Variants in GUCY2F observed in about 807,000 individuals in gnomAD.
GUCY2F encodes the protein guanylate cyclase 2F, retinal.
In GUCY2F, 61 loss-of-function variants were observed where a neutral mutation model predicts 73.1. That is an observed-to-expected ratio of 0.83 (90% CI 0.68 to 1.03). The LOEUF (loss-of-function observed/expected upper bound fraction) is 1.03. GUCY2F is among the 50% of genes least tolerant of loss of function. GUCY2F has a pLI of 0.00. For missense variants in GUCY2F, 912 were observed against 854.3 expected, an observed-to-expected ratio of 1.07 and a Z score of -0.84; for synonymous variants, 331 against 307.8, an observed-to-expected ratio of 1.08 and a Z score of -0.79.
At chrX:109,448,540 G>C (rs369139547) in intron 5 of GUCY2F, among the ~76,000 whole-genome samples, 16 of 112,125 alleles carry the variant, frequency 1.4e-4, no homozygotes, top group African/African-American at 4.9e-4. Flanking sequence ...ATATGCCATA[G>C]TATTTATCCT....
At chrX:109,379,435 T>A (rs753901412) in intron 17 of GUCY2F, among the ~76,000 whole-genome samples, 28 of 112,745 alleles carry the variant, frequency 2.5e-4, no homozygotes, top group African/African-American at 8.7e-4. Flanking sequence ...ACTAGTTTGA[T>A]TGAATTATTC....
At chrX:109,425,150 A>T (rs190876138) in intron 8 of GUCY2F, among the ~76,000 whole-genome samples, 9 of 111,805 alleles carry the variant, frequency 8.0e-5, no homozygotes, top group South Asian at 7.4e-4. Flanking sequence ...TTCTTAAAGA[A>T]CTAAGAGTAG....
rs758593336 is a variant in GUCY2F, at chrX:109,453,559, G to T, written c.1333C>A (p.Pro445Thr). The change falls in exon 4 of 20, where the codon CCC becomes ACC. Residue 445 changes from proline (P) to threonine (T), a missense_variant. Pro to Thr is a conservative substitution (Grantham distance 38, BLOSUM62 -1). Transcript: ENST00000218006. ...GTPIHFPGGR[P>T]PRADAKCWFA... ...CAGCATTTTGCATCTGCTCTAGGGG[G>T]CCTGCCACCAGGGAAGTGAATAGGG... is the stretch of plus-strand genomic sequence containing the variant. 1.7e-6 allele frequency: 2 copies of T among 1,209,639 alleles called. No homozygotes were observed. Among genetic ancestry groups the T allele is most frequent in the South Asian group, 3.5e-5 (2 of 56,863 alleles).
At chrX:109,427,243 T>C (rs1345481272) in intron 8 of GUCY2F, among the ~76,000 whole-genome samples, 1 of 112,026 alleles carries the variant, frequency 8.9e-6, no homozygotes, top group Non-Finnish European at 1.9e-5. Context: ...CAACTGCAGT[T>C]TCCTTCTCTT....
At chrX:109,443,302 C>A (rs914925512) in intron 6 of GUCY2F, among the ~76,000 whole-genome samples, 1 of 111,260 alleles carries the variant, frequency 9.0e-6, no homozygotes, top group Non-Finnish European at 1.9e-5. Flanking sequence ...TGAAATAAAA[C>A]AATTTATTTT....
chrX:109,468,670 A>T (rs1932516658), intron 2 of GUCY2F, among the ~76,000 whole-genome samples: 1 of 111,731 alleles, frequency 9.0e-6, no homozygotes, highest in Non-Finnish European at 1.9e-5. Flanking sequence ...TTATAACTGA[A>T]AAGACCCTTT....
chrX:109,378,639 A>C (rs1471853523), intron 17 of GUCY2F, among the ~76,000 whole-genome samples: 1 of 111,439 alleles, frequency 9.0e-6, no homozygotes, highest in East Asian at 2.8e-4. Context: ...TCATACACAC[A>C]CTGCTTGTGT....
At chrX:109,458,779 G>A (rs1232297909) in intron 3 of GUCY2F, among the ~76,000 whole-genome samples, 3 of 111,240 alleles carry the variant, frequency 2.7e-5, no homozygotes, top group African/African-American at 9.8e-5. Flanking sequence ...GTTATCAGGT[G>A]CCAGGCAAAC....
rs1239325438 is a variant in GUCY2F at position 109,475,260 on chromosome X, C to T, written c.677G>A (p.Ser226Asn). The T allele has an allele frequency of 8.3e-7, 1 of 1,207,912 alleles. No individual in the cohort carries two copies. Among genetic ancestry groups the T allele is most frequent in the Non-Finnish European group, 1.1e-6 (1 of 893,569 alleles). ...VGVVLTTGQD[S>N]QSMRKALQRI... Reference sequence around the variant, plus strand: ...CTGGAGGGCTTTCCGCATGCTTTGGCTGTCTTGTCCTGTGGTCAGGACGAC... The same window carrying T: ...CTGGAGGGCTTTCCGCATGCTTTGGTTGTCTTGTCCTGTGGTCAGGACGAC... The change falls in exon 2 of 20, where the codon AGC (serine) becomes AAC (asparagine). Residue 226 changes from serine (S) to asparagine (N), a missense_variant. Ser to Asn is a conservative substitution (Grantham distance 46). Transcript: ENST00000218006.
rs1360698566 is a variant in GUCY2F, at chrX:109,395,329, C to A, written c.2424+12G>T. On this transcript the variant is annotated intron_variant, in intron 12 of 19. Coordinates refer to ENST00000218006, the MANE Select transcript of GUCY2F (RefSeq NM_001522.3). Reference sequence around the variant, plus strand: ...AAGGCTCCTGGGCAATGATAAGATTCAGAGTCCTTACCTGGTTAAATATTT... The same window carrying A: ...AAGGCTCCTGGGCAATGATAAGATTAAGAGTCCTTACCTGGTTAAATATTT... 5 of 1,197,280 alleles carry A rather than the reference C, an allele frequency of 4.2e-6. No homozygotes were observed. The African/African-American group carries it at 8.8e-5, about 21-fold the overall frequency.
intron 7 of GUCY2F, among the ~76,000 whole-genome samples, chrX:109,438,434 AATC>A (rs746167678): frequency 1.2e-4 from 13 of 112,887 alleles, no homozygotes; most frequent in Non-Finnish European, 1.7e-4. Flanking sequence ...AAATCAAACA[AATC>A]ATGTTCTTCC....
At chrX:109,451,730 A>AG (rs767208329) in intron 5 of GUCY2F, among the ~76,000 whole-genome samples, 4 of 111,664 alleles carry the variant, frequency 3.6e-5, no homozygotes, top group Non-Finnish European at 5.7e-5. Context: ...GAACAACGAT[A>AG]GGGAGTAGAC....
At chrX:109,424,860 G>C (rs767085343) in intron 8 of GUCY2F, among the ~76,000 whole-genome samples, 2 of 109,538 alleles carry the variant, frequency 1.8e-5, no homozygotes, top group Non-Finnish European at 3.8e-5. Context: ...TCTGTCACCC[G>C]GGTTCAAGCA....
chrX:109,402,520 G>A (rs189797693), intron 10 of GUCY2F, among the ~76,000 whole-genome samples: 5 of 110,145 alleles, frequency 4.5e-5, no homozygotes, highest in East Asian at 5.7e-4. Context: ...TTATAGAAGC[G>A]CGCCACCACG....
At chrX:109,376,791 C>G (rs1485983241) in intron 17 of GUCY2F, among the ~76,000 whole-genome samples, 3 of 111,636 alleles carry the variant, frequency 2.7e-5, no homozygotes, top group African/African-American at 9.8e-5. Context: ...CACCCCAGGG[C>G]CTGAGTGATG....
intron 2 of GUCY2F, among the ~76,000 whole-genome samples, chrX:109,471,253 G>A (rs947576545): frequency 1.3e-4 from 15 of 111,652 alleles, no homozygotes; most frequent in African/African-American, 2.9e-4. Flanking sequence ...CCAACATCCC[G>A]GTAAGCCCAG....
At chrX:109,437,428 G>A (rs1931776744) in intron 7 of GUCY2F, among the ~76,000 whole-genome samples, 1 of 112,608 alleles carries the variant, frequency 8.9e-6, no homozygotes, top group Non-Finnish European at 1.9e-5. Context: ...TTAAAGGCCA[G>A]TTACATACAG....
In GUCY2F at chrX:109,430,351, C is replaced by G; in HGVS notation, c.1747G>C (p.Asp583His). The change falls in exon 8 of 20, where the codon GAC becomes CAC. Residue 583 changes from aspartate (D) to histidine (H), a missense_variant. Coordinates refer to ENST00000218006, the MANE Select transcript of GUCY2F (RefSeq NM_001522.3). ...GCTCTTGATTTGATGGACTTAAGGT[C>G]TCCAAAATCTCCAAGGGAGAACTTT... ...LKKFSLGDFG[D>H]LKSIKSRASD... The G allele has an allele frequency of 8.8e-7, 1 of 1,140,550 alleles. No individual in the cohort carries two copies. The highest frequency in any genetic ancestry group is 1.2e-6 in the Non-Finnish European group (1 of 830,629). The allele number at this position is 1,140,550 out of a possible 1,213,427, so 94.0% of individuals were successfully genotyped here.
At chrX:109,477,032 A>C (rs1265509182) in intron 1 of GUCY2F, among the ~76,000 whole-genome samples, 2 of 110,639 alleles carry the variant, frequency 1.8e-5, no homozygotes, top group Non-Finnish European at 3.8e-5. Flanking sequence ...ATTTTAAAGG[A>C]TCTCTCTAGC....
Sources: gnomAD v4.1 joint callset for allele counts (sites outside exome capture counted in the v4.1 genomes callset) on GRCh38, gnomAD v4.1.1 for gene constraint, MANE v1.5 for transcripts, NCBI Gene and HGNC (gene_info 2026-07-23, HGNC 2026-07-21) for gene names.